Variants in KCNH5 observed in about 807,000 individuals in gnomAD.
The protein encoded by KCNH5 is potassium voltage-gated channel subfamily H member 5, also known as voltage-gated delayed rectifier potassium channel KCNH5.
Under a neutral mutation model 96.1 loss-of-function variants are expected in KCNH5, and 46 were observed. The ratio of observed to expected loss-of-function variants is 0.48; its 90% CI spans 0.38 to 0.61. The LOEUF (loss-of-function observed/expected upper bound fraction) is 0.61. KCNH5 is among the 20% of genes least tolerant of loss of function. The pLI, the probability that KCNH5 is intolerant of heterozygous loss-of-function variation, is 0.00. For synonymous variants in KCNH5, 439 were observed against 449.8 expected, an observed-to-expected ratio of 0.98 and a Z score of 0.30; for missense variants, 907 against 1,225.8, an observed-to-expected ratio of 0.74 and a Z score of 3.88.
chr14:62,708,143 T>C lies in KCNH5; in HGVS notation c.2332A>G (p.Asn778Asp). 6.2e-7 allele frequency: 1 copy of C among 1,614,234 alleles called. No individual in the cohort carries two copies. Among genetic ancestry groups the C allele is most frequent in the South Asian group, 1.1e-5 (1 of 91,084 alleles). Residue 778 changes from asparagine (N) to aspartate (D), a missense_variant, in exon 11 of 11, where the codon AAC (asparagine) becomes GAC (aspartate). Asn to Asp is a conservative substitution (Grantham distance 23). This residue lies in a region of KCNH5 where 362 missense variants were observed against 394.4 expected (regional missense o/e 0.92). Coordinates refer to ENST00000322893, the MANE Select transcript of KCNH5 (RefSeq NM_139318.5). Reference sequence around the variant, plus strand: ...GGCTTGAGTTCCATGGCATCACGGTTGTTCTGCTTAAGGGATTCACTGGTT... The same window carrying C: ...GGCTTGAGTTCCATGGCATCACGGTCGTTCTGCTTAAGGGATTCACTGGTT... ...VKTSESLKQN[N>D]RDAMELKPNG...
chr14:62,699,776 T>A lies in KCNH5; in HGVS notation c.*7732A>T, dbSNP rs900454631. ...TTCACACATCCTGTCAGCAGTCAGG[T>A]GATAGGTCAACAGTACATACAAAAT... On this transcript the variant is annotated 3_prime_UTR_variant, in exon 11 of 11. Coordinates refer to ENST00000322893, the MANE Select transcript of KCNH5 (RefSeq NM_139318.5). The A allele has an allele frequency of 2.6e-5, 4 of 152,256 alleles. No homozygotes were observed. Among genetic ancestry groups the A allele is most frequent in the Admixed American group, 2.0e-4 (3 of 15,288 alleles). The allele number at this position is 152,256 out of a possible 1,614,324, so 9.4% of individuals were successfully genotyped here. A position where few individuals can be genotyped will look rare whatever the true frequency, so the allele number is the denominator to read the frequency against.
At chr14:62,854,593 T>C (rs564441500) in intron 7 of KCNH5, among the ~76,000 whole-genome samples, 2 of 152,172 alleles carry the variant, frequency 1.3e-5, no homozygotes, top group East Asian at 3.9e-4. Context: ...TATTTTACCT[T>C]TTAAATGAAG....
chr14:62,761,963 G>A (rs1004254527), intron 10 of KCNH5, among the ~76,000 whole-genome samples: 1 of 152,134 alleles, frequency 6.6e-6, no homozygotes, highest in Non-Finnish European at 1.5e-5. Context: ...CTCATTCTTG[G>A]CCCCCAGCAG....
At chr14:63,028,218 GC>G (rs1891561082) in intron 1 of KCNH5, among the ~76,000 whole-genome samples, 1 of 151,750 alleles carries the variant, frequency 6.6e-6, no homozygotes, top group African/African-American at 2.4e-5. Flanking sequence ...ACATTACCCT[GC>G]CCCCATCATA....
chr14:62,755,771 G>T (rs779617366), intron 10 of KCNH5, among the ~76,000 whole-genome samples: 1 of 152,138 alleles, frequency 6.6e-6, no homozygotes, highest in Non-Finnish European at 1.5e-5. Context: ...GACCAAGTGG[G>T]ATTTATCCCA....
intron 7 of KCNH5, among the ~76,000 whole-genome samples, chr14:62,890,031 G>T (rs762390819): frequency 2.6e-5 from 4 of 152,092 alleles, no homozygotes; most frequent in Non-Finnish European, 5.9e-5. Flanking sequence ...CTAGCCATAC[G>T]CAGAAGACTG....
chr14:62,771,550 G>A (rs1051397582), intron 10 of KCNH5, among the ~76,000 whole-genome samples: 2 of 151,886 alleles, frequency 1.3e-5, no homozygotes, highest in African/African-American at 2.4e-5. Flanking sequence ...GCGTGAACCC[G>A]GGAGGCAGAG....
chr14:63,022,736 C>T (rs1206174784), intron 1 of KCNH5, among the ~76,000 whole-genome samples: 1 of 152,132 alleles, frequency 6.6e-6, no homozygotes, highest in Non-Finnish European at 1.5e-5. Context: ...CCTTTCCCTC[C>T]TCACCTTGTC....
At chr14:62,811,372 T>C (rs148047240) in intron 8 of KCNH5, among the ~76,000 whole-genome samples, 1 of 152,270 alleles carries the variant, frequency 6.6e-6, no homozygotes, top group East Asian at 1.9e-4. Flanking sequence ...CCTCCAACCA[T>C]GCCTTCCAAT....
intron 10 of KCNH5, among the ~76,000 whole-genome samples, chr14:62,777,792 G>A (rs1406723996): frequency 1.3e-5 from 2 of 152,118 alleles, no homozygotes; most frequent in East Asian, 3.9e-4. Flanking sequence ...CTTCTTATCA[G>A]AAGACTGAGT....
intron 2 of KCNH5, among the ~76,000 whole-genome samples, chr14:63,012,047 A>G (rs1278494280): frequency 6.6e-6 from 1 of 152,220 alleles, no homozygotes; most frequent in Non-Finnish European, 1.5e-5. Flanking sequence ...ACAAAAAATG[A>G]CAGCAGAATA....
intron 10 of KCNH5, among the ~76,000 whole-genome samples, chr14:62,759,573 A>ATATATATATATATATTTTTTTTT (rs1171935428): frequency 2.0e-5 from 3 of 151,078 alleles, no homozygotes; most frequent in Non-Finnish European, 3.0e-5. Context: ...CGTAGGGTAT[A>ATATATATATATATATTTTTTTTT]TTTTTTAATA....
At chr14:62,785,687 A>C (rs1251458298) in intron 9 of KCNH5, among the ~76,000 whole-genome samples, 2 of 152,236 alleles carry the variant, frequency 1.3e-5, no homozygotes, top group African/African-American at 4.8e-5. Flanking sequence ...TAAAACAGAA[A>C]TAATTGTTAA....
intron 8 of KCNH5, among the ~76,000 whole-genome samples, chr14:62,817,064 G>A (rs1886994430): frequency 7.2e-6 from 1 of 139,256 alleles, no homozygotes; most frequent in Non-Finnish European, 1.5e-5. Flanking sequence ...TGAGTTCTGT[G>A]TGTGTGTATC....
At chr14:63,040,082 G>T (rs932312765) in intron 1 of KCNH5, among the ~76,000 whole-genome samples, 1 of 151,994 alleles carries the variant, frequency 6.6e-6, no homozygotes, top group Admixed American at 6.6e-5. Flanking sequence ...TAAGAAACTC[G>T]GCTGTGACTC....
In KCNH5 at chr14:63,031,988, T is replaced by C. The variant is rs188359022; in HGVS notation, c.73+13126A>G. Among the ~76,000 whole-genome samples, 7 of 151,950 alleles carry C rather than the reference T, an allele frequency of 4.6e-5. No homozygotes were observed. In the East Asian group the frequency reaches 1.4e-3, roughly 29 times the overall value. ...GCAAATTACCCCCAGAGAGAAATAT[T>C]TCAGAGGACTAGCAGTTTTTAAGTA... On this transcript the variant is annotated intron_variant, in intron 1 of 10. Coordinates refer to ENST00000322893, the MANE Select transcript of KCNH5 (RefSeq NM_139318.5).
intron 7 of KCNH5, among the ~76,000 whole-genome samples, chr14:62,873,161 AAAG>A (rs1348955369): frequency 5.7e-4 from 87 of 152,026 alleles, no homozygotes; most frequent in Middle Eastern, 3.4e-3. Flanking sequence ...AAAAAAAAAA[AAAG>A]AAGAAGAAGA....
In KCNH5 at chr14:62,799,480, G is replaced by C. The variant is rs996119037; in HGVS notation, c.1822+2849C>G. 3.4e-5 allele frequency among the ~76,000 whole-genome samples: 5 copies of C among 147,214 alleles called. No individual in the cohort carries two copies. The Admixed American group carries it at 3.5e-4, about 10-fold the overall frequency. On this transcript the variant is annotated intron_variant, in intron 9 of 10. Coordinates refer to ENST00000322893, the MANE Select transcript of KCNH5 (RefSeq NM_139318.5). ...CCCAGCTACTTGGGAGTCTGAGGCA[G>C]GAGAATTGCTTGAACCTGGGAGGCG...
intron 9 of KCNH5, among the ~76,000 whole-genome samples, chr14:62,789,981 C>T (rs987196011): frequency 6.6e-6 from 1 of 151,610 alleles, no homozygotes; most frequent in Admixed American, 6.6e-5. Flanking sequence ...TTGCCAAGGC[C>T]AATATCAAGG....
Sources: gnomAD v4.1 joint callset for allele counts (sites outside exome capture counted in the v4.1 genomes callset) on GRCh38, gnomAD v4.1.1 for gene constraint, gnomAD v4.1.1 regional missense constraint, MANE v1.5 for transcripts, NCBI Gene and HGNC (gene_info 2026-07-23, HGNC 2026-07-21) for gene names.